NINJ2: variants seen among roughly 807,000 people sequenced by gnomAD.
The protein encoded by NINJ2 is ninjurin-2.
NINJ2 carries 12 observed loss-of-function variants against 11.7 expected under a neutral mutation model. The ratio of observed to expected loss-of-function variants is 1.02; its 90% CI spans 0.66 to 1.66. The LOEUF (loss-of-function observed/expected upper bound fraction) is 1.66, where lower values mean the gene tolerates loss of function less well. Ranked by LOEUF, NINJ2 falls within the 40% of genes most tolerant of loss-of-function variation. The pLI, the probability that NINJ2 is intolerant of heterozygous loss-of-function variation, is 0.00. For synonymous variants in NINJ2, 93 were observed against 76.8 expected, an observed-to-expected ratio of 1.21 and a Z score of -1.10; for missense variants, 187 against 181.8, an observed-to-expected ratio of 1.03 and a Z score of -0.16.
chr12:634,265 C>CTGTTTTTTTTTTTTTTTTTTTT (rs1948317221), intron 1 of NINJ2, among the ~76,000 whole-genome samples: 1 of 59,480 alleles, frequency 1.7e-5, no homozygotes, highest in Non-Finnish European at 3.1e-5. Context: ...AGTTGCAGTT[C>CTGTTTTTTTTTTTTTTTTTTTT]TTTTTTTTTT....
In NINJ2 at chr12:614,664, A is replaced by G. The variant is rs1948071172; in HGVS notation, c.34-48486T>C. On this transcript the variant is annotated intron_variant, in intron 1 of 3. Transcript: ENST00000305108. This position sits in a 1 kb window ranked among gnomAD's most constrained non-coding sequence, Gnocchi z 5.1. ...GAGGATTCCTGCTTCCCTCTTATCC[A>G]GAGAAGTCACTTAGTTAGCTCATTT... Among the ~76,000 whole-genome samples, 1 of 152,090 alleles carries G rather than the reference A, an allele frequency of 6.6e-6. No individual in the cohort carries two copies.
intron 1 of NINJ2, among the ~76,000 whole-genome samples, chr12:653,683 C>T (rs924704321): frequency 6.6e-6 from 1 of 151,598 alleles, no homozygotes; most frequent in Non-Finnish European, 1.5e-5. Context: ...TCAGTTAAAA[C>T]CACCAAAGGC....
At chr12:603,694 C>G (rs1053281905) in intron 1 of NINJ2, among the ~76,000 whole-genome samples, 1 of 151,362 alleles carries the variant, frequency 6.6e-6, no homozygotes, top group Non-Finnish European at 1.5e-5. Context: ...GGAGTCTCAG[C>G]CTGTCACCCA....
rs1342065741 is a variant in NINJ2, at chr12:644,934, T to C, written c.33+18394A>G. On this transcript the variant is annotated intron_variant, in intron 1 of 3. Transcript: ENST00000305108. ...GGAACCACTGAGAGAAGCAGGAGAA[T>C]GTTCTCTGTGGCTACAGTGAGGAGA... 2.0e-5 allele frequency: 3 copies of C among 151,910 alleles called. No homozygotes were observed. The East Asian group carries it at 5.8e-4, about 29-fold the overall frequency. The allele number at this position is 151,910 out of a possible 1,614,324, so 9.4% of individuals were successfully genotyped here.
At chr12:661,022 C>T (rs2120553489) in intron 1 of NINJ2, among the ~76,000 whole-genome samples, 1 of 152,128 alleles carries the variant, frequency 6.6e-6, no homozygotes, top group East Asian at 1.9e-4. Flanking sequence ...GTACCTTTAC[C>T]ACCCATTGGT....
intron 1 of NINJ2, among the ~76,000 whole-genome samples, chr12:650,161 T>A (rs1937765241): frequency 6.6e-6 from 1 of 151,628 alleles, no homozygotes. Flanking sequence ...CTCAGCTCAC[T>A]GCAACCTCTG....
At position 659,106 on chromosome 12, in the gene NINJ2, A is replaced by AAAACAAAC. The variant is rs370278810; in HGVS notation, c.33+4214_33+4221dup. 2.0e-5 allele frequency among the ~76,000 whole-genome samples: 3 copies of AAAACAAAC among 150,368 alleles called. No homozygotes were observed. The East Asian group carries it at 5.8e-4, about 29-fold the overall frequency. On this transcript the variant is annotated intron_variant, in intron 1 of 3. Transcript: ENST00000305108. ...ATATATATATGTCTTTAAAAACAATAAAACAAACAAACAAACAAAAACACT... is the reference window on the plus strand; with the variant it reads ...ATATATATATGTCTTTAAAAACAATAAAACAAACAAACAAACAAACAAACAAAAACACT...
chr12:602,773 CT>C (rs879818179), intron 1 of NINJ2, among the ~76,000 whole-genome samples: 1 of 152,162 alleles, frequency 6.6e-6, no homozygotes, highest in Non-Finnish European at 1.5e-5. Flanking sequence ...TTGCTATTAC[CT>C]GCTTTTTTGA....
Position 566,007 on chromosome 12 carries a change from G to C in NINJ2, c.205C>G (p.Leu69Val), listed in dbSNP as rs201831432. The C allele has an allele frequency of 7.6e-5, 122 of 1,614,254 alleles. No homozygotes were observed. The East Asian group carries it at 1.7e-3, about 22-fold the overall frequency. The change falls in exon 2 of 4, where the codon CTC becomes GTC. Residue 69 changes from leucine (L) to valine (V), a missense_variant. Transcript: ENST00000305108. ...SSHYYTTLVT[L>V]ISLSLLLQVV... The stretch of plus-strand genomic sequence containing the variant: ...TGCAGGAGCAGAGAGAGGCTGATGA[G>C]GGTGACCAGGGTGGTGTAGTAGTGA...
chr12:650,567 C>T lies in NINJ2; in HGVS notation c.33+12761G>A, dbSNP rs1043806939. ...TACAAAAATTAGCCGGGCGTGGTGG[C>T]GGGTGCCTGTAGTCCCAGCTAATCA... On this transcript the variant is annotated intron_variant, in intron 1 of 3. Coordinates refer to ENST00000305108, the MANE Select transcript of NINJ2 (RefSeq NM_016533.6). 2.6e-5 allele frequency among the ~76,000 whole-genome samples: 4 copies of T among 152,072 alleles called. No homozygotes were observed. In the East Asian group the frequency reaches 5.9e-4, roughly 22 times the overall value.
At chr12:647,763 C>A (rs1250037592) in intron 1 of NINJ2, among the ~76,000 whole-genome samples, 3 of 152,166 alleles carry the variant, frequency 2.0e-5, no homozygotes, top group Non-Finnish European at 2.9e-5. Context: ...ATTGCAGAAA[C>A]CCTCATCTCC....
intron 1 of NINJ2, among the ~76,000 whole-genome samples, chr12:596,477 A>C (rs747788782): frequency 1.4e-4 from 21 of 152,186 alleles, no homozygotes; most frequent in Non-Finnish European, 2.9e-5. Context: ...GACAGGAGGC[A>C]TATGGGGAGT....
chr12:589,834 A>G (rs1163935521), intron 1 of NINJ2, among the ~76,000 whole-genome samples: 1 of 147,646 alleles, frequency 6.8e-6, no homozygotes, highest in Non-Finnish European at 1.5e-5. Context: ...ACAGTTGGTA[A>G]ATTTAGGGGG....
intron 1 of NINJ2, among the ~76,000 whole-genome samples, chr12:647,589 C>G (rs1937707514): frequency 6.6e-6 from 1 of 152,234 alleles, no homozygotes; most frequent in Non-Finnish European, 1.5e-5. Flanking sequence ...CTGCGTGACT[C>G]TGGGTGCGTT....
At chr12:571,542 G>A (rs940562162) in intron 1 of NINJ2, among the ~76,000 whole-genome samples, 6 of 152,198 alleles carry the variant, frequency 3.9e-5, no homozygotes, top group Non-Finnish European at 8.8e-5. Context: ...CTCCTCTCTC[G>A]TTCCAGCTCA....
At chr12:569,584 G>A (rs532753778) in intron 1 of NINJ2, among the ~76,000 whole-genome samples, 1 of 152,248 alleles carries the variant, frequency 6.6e-6, no homozygotes, top group African/African-American at 2.4e-5. Flanking sequence ...GTTAACAGTG[G>A]ACAAAACCTT....
chr12:624,807 T>TC (rs1555165825), intron 1 of NINJ2, among the ~76,000 whole-genome samples: 2 of 36,700 alleles, frequency 5.4e-5, no homozygotes, highest in Admixed American at 3.4e-4. Flanking sequence ...AGACTCCATC[T>TC]CAAAAAAAAA....
chr12:588,853 A>G (rs1020921601), intron 1 of NINJ2, among the ~76,000 whole-genome samples: 4 of 152,232 alleles, frequency 2.6e-5, no homozygotes, highest in Non-Finnish European at 5.9e-5. Context: ...AAGACTTAAG[A>G]GACTGATAAT....
At chr12:642,424 T>C (rs1185411037) in intron 1 of NINJ2, among the ~76,000 whole-genome samples, 3 of 152,028 alleles carry the variant, frequency 2.0e-5, no homozygotes, top group Non-Finnish European at 2.9e-5. Flanking sequence ...AGAGACGGGG[T>C]TTCGCCATGC....
Sources: allele counts gnomAD v4.1 joint callset (sites outside exome capture counted in the v4.1 genomes callset), GRCh38; gene constraint gnomAD v4.1.1; non-coding constraint Gnocchi (gnomAD v3.1); transcripts MANE v1.5; gene names NCBI Gene and HGNC (gene_info 2026-07-23, HGNC 2026-07-21).